NCKAP5: variants seen among roughly 807,000 people sequenced by gnomAD.
The protein encoded by NCKAP5 is NCK associated protein 5.
Under a neutral mutation model 167.0 loss-of-function variants are expected in NCKAP5, and 92 were observed. The ratio of observed to expected loss-of-function variants is 0.55; its 90% CI spans 0.47 to 0.66. The LOEUF is 0.66. NCKAP5 is among the 30% of genes least tolerant of loss of function. NCKAP5 has a pLI of 0.00. For synonymous variants in NCKAP5, 891 were observed against 877.4 expected (o/e 1.02, Z -0.27); for missense variants, 2,378 against 2,315.0 (o/e 1.03, Z -0.56).
chr2:133,203,179 GCACATATA>G (rs2085780749), intron 5 of NCKAP5, among the ~76,000 whole-genome samples: 2 of 152,124 alleles, frequency 1.3e-5, no homozygotes, highest in South Asian at 4.1e-4. Flanking sequence ...AGAAAATGTG[GCACATATA>G]CACCATGGAA....
intron 16 of NCKAP5, among the ~76,000 whole-genome samples, chr2:132,741,872 T>G (rs1679228602): frequency 6.6e-6 from 1 of 152,092 alleles, no homozygotes; most frequent in Non-Finnish European, 1.5e-5. Flanking sequence ...CTAATTACAA[T>G]TTAGCTATCT....
intron 2 of NCKAP5, among the ~76,000 whole-genome samples, chr2:133,532,742 TC>T (rs1348458843): frequency 6.6e-6 from 1 of 152,150 alleles, no homozygotes; most frequent in Admixed American, 6.5e-5. Flanking sequence ...CTTTAATTTT[TC>T]CCCCTAATTT....
chr2:132,865,092 C>T (rs1450214023), intron 10 of NCKAP5, among the ~76,000 whole-genome samples: 1 of 152,146 alleles, frequency 6.6e-6, no homozygotes, highest in Non-Finnish European at 1.5e-5. Flanking sequence ...TTCACTGATA[C>T]ATCCTTATCT....
At chr2:132,778,662 C>A (rs1010669790) in intron 15 of NCKAP5, among the ~76,000 whole-genome samples, 9 of 152,096 alleles carry the variant, frequency 5.9e-5, no homozygotes, top group African/African-American at 1.9e-4. Flanking sequence ...GAAAACAATT[C>A]TTTGCAACAC....
chr2:133,657,019 G>A, the NCKAP5 span, among the ~76,000 whole-genome samples: 8 of 152,124 alleles, frequency 5.3e-5, no homozygotes, highest in African/African-American at 1.2e-4. Flanking sequence ...GAGAACATGC[G>A]ATGTTTGGTT....
chr2:133,062,833 G>C (rs181928521), intron 6 of NCKAP5, among the ~76,000 whole-genome samples: 1 of 152,168 alleles, frequency 6.6e-6, no homozygotes, highest in Admixed American at 6.5e-5. Context: ...TGTTTACATA[G>C]AAATCTTTAT....
the NCKAP5 span, among the ~76,000 whole-genome samples, chr2:133,640,911 T>C: frequency 6.6e-6 from 1 of 152,202 alleles, no homozygotes; most frequent in Non-Finnish European, 1.5e-5. Context: ...TTCCTAAGAA[T>C]CCATGACATA....
At chr2:133,368,240 G>C (rs947005604) in intron 3 of NCKAP5, among the ~76,000 whole-genome samples, 1 of 152,008 alleles carries the variant, frequency 6.6e-6, no homozygotes, top group Non-Finnish European at 1.5e-5. Context: ...ACCTTATATG[G>C]GTAAGTGGGA....
intron 4 of NCKAP5, among the ~76,000 whole-genome samples, chr2:133,283,349 T>C (rs570773366): frequency 6.6e-6 from 1 of 152,284 alleles, no homozygotes; most frequent in East Asian, 1.9e-4. Context: ...TCACCCCCAG[T>C]AATTCAGCAG....
chr2:133,588,148 A>G, the NCKAP5 span, among the ~76,000 whole-genome samples: 3 of 152,184 alleles, frequency 2.0e-5, no homozygotes, highest in African/African-American at 7.2e-5. Context: ...ACAATGTTAA[A>G]TGTATTTCTT....
chr2:133,289,702 AAAAC>A (rs570223427), intron 4 of NCKAP5, among the ~76,000 whole-genome samples: 2,469 of 147,170 alleles, frequency 0.017, 26 homozygotes, highest in Non-Finnish European at 0.025. Flanking sequence ...AAAAAAAATA[AAAAC>A]AAACAAACAA....
At chr2:133,639,648 AG>A in the NCKAP5 span, among the ~76,000 whole-genome samples, 379 of 152,248 alleles carry the variant, frequency 2.5e-3, 1 homozygote, top group African/African-American at 8.6e-3. Flanking sequence ...GAGAAACAGG[AG>A]GGGAACATCT....
the NCKAP5 span, among the ~76,000 whole-genome samples, chr2:133,612,864 G>A: frequency 6.6e-6 from 1 of 152,160 alleles, no homozygotes; most frequent in African/African-American, 2.4e-5. Flanking sequence ...CTTAAGCGCG[G>A]TTTGCTGAAT....
At chr2:133,338,070 T>C (rs1683331182) in intron 3 of NCKAP5, among the ~76,000 whole-genome samples, 1 of 152,214 alleles carries the variant, frequency 6.6e-6, no homozygotes, top group Non-Finnish European at 1.5e-5. Flanking sequence ...ATTCTTGGAA[T>C]ATTTAAAGAG....
intron 6 of NCKAP5, among the ~76,000 whole-genome samples, chr2:133,036,174 A>T (rs2079035289): frequency 6.6e-6 from 1 of 151,970 alleles, no homozygotes; most frequent in South Asian, 2.1e-4. Flanking sequence ...GATCGATGCC[A>T]CAATAAAAAT....
At chr2:133,506,050 A>G (rs186169187) in intron 3 of NCKAP5, among the ~76,000 whole-genome samples, 1 of 152,294 alleles carries the variant, frequency 6.6e-6, no homozygotes, top group Non-Finnish European at 1.5e-5. Flanking sequence ...TCTACCAAAC[A>G]TTTCAACTCC....
At chr2:133,248,675 G>A (rs2088135630) in intron 4 of NCKAP5, among the ~76,000 whole-genome samples, 1 of 152,210 alleles carries the variant, frequency 6.6e-6, no homozygotes, top group South Asian at 2.1e-4. Context: ...ACAATGTTGA[G>A]CTGCACTGCA....
chr2:132,926,838 G>T (rs549341584), intron 8 of NCKAP5, among the ~76,000 whole-genome samples: 1 of 152,050 alleles, frequency 6.6e-6, no homozygotes, highest in East Asian at 1.9e-4. Flanking sequence ...CTCTTCACTC[G>T]TTTATTTCCT....
rs1295170770 is a variant in NCKAP5 at position 132,781,106 on chromosome 2, G to A, written c.4995C>T (p.Asn1665=). The A allele has an allele frequency of 6.2e-7, 1 of 1,613,730 alleles. No homozygotes were observed. The highest frequency in any genetic ancestry group is 1.1e-5 in the South Asian group (1 of 91,022). Residue 1665 remains asparagine (N), a synonymous_variant, in exon 15 of 20, where the codon AAC becomes AAT. Transcript: ENST00000409261. ...CTTTGATTTTCATGTTTTTCTTGTG[G>A]TTTCCTTGAGTACTGATAGAGCTGC... ...LIGSSISTQG[N]HKKNMKIKAD... is the part of the protein sequence containing the mutation.
Sources: allele counts gnomAD v4.1 joint callset (sites outside exome capture counted in the v4.1 genomes callset), GRCh38; gene constraint gnomAD v4.1.1; transcripts MANE v1.5; gene names NCBI Gene and HGNC (gene_info 2026-07-23, HGNC 2026-07-21).